The following ACSBG2 variants were observed in gnomAD, a reference collection of about 807,000 sequenced individuals.
ACSBG2 encodes acyl-CoA synthetase bubblegum family member 2.
In ACSBG2, 62 loss-of-function variants were observed where a neutral mutation model predicts 74.7. The ratio of observed to expected loss-of-function variants is 0.83; its 90% CI spans 0.68 to 1.03. The LOEUF (loss-of-function observed/expected upper bound fraction) is 1.03, where lower values mean the gene tolerates loss of function less well. Among genes scored for constraint, ACSBG2 ranks in the 50% least tolerant of loss-of-function variants. The pLI, the probability that ACSBG2 is intolerant of heterozygous loss-of-function variation, is 0.00. For synonymous variants in ACSBG2, 309 were observed against 294.1 expected, an observed-to-expected ratio of 1.05 and a Z score of -0.52; for missense variants, 730 against 817.6, an observed-to-expected ratio of 0.89 and a Z score of 1.31.
At chr19:6,173,677 A>T (rs1262432113) in intron 7 of ACSBG2, among the ~76,000 whole-genome samples, 2 of 151,980 alleles carry the variant, frequency 1.3e-5, no homozygotes, top group African/African-American at 4.8e-5. Flanking sequence ...TCAGTTCAAA[A>T]CTTATCCATT....
intron 6 of ACSBG2, among the ~76,000 whole-genome samples, chr19:6,162,954 T>C (rs1173602534): frequency 6.6e-6 from 1 of 151,816 alleles, no homozygotes; most frequent in Non-Finnish European, 1.5e-5. Flanking sequence ...GAAGGGCATC[T>C]ACTCCTCTGC....
intron 3 of ACSBG2, among the ~76,000 whole-genome samples, chr19:6,151,392 C>T (rs1255654286): frequency 1.3e-5 from 2 of 152,072 alleles, no homozygotes; most frequent in African/African-American, 4.8e-5. Flanking sequence ...ACTGCAGCCT[C>T]GAACTCTAGG....
chr19:6,150,740 GA>G (rs1382335192), intron 3 of ACSBG2, among the ~76,000 whole-genome samples: 2 of 152,176 alleles, frequency 1.3e-5, no homozygotes, highest in Non-Finnish European at 2.9e-5. Flanking sequence ...AGTTTAGAAA[GA>G]GGAGAAAGTT....
intron 1 of ACSBG2, among the ~76,000 whole-genome samples, chr19:6,136,204 G>T (rs1477226532): frequency 2.0e-5 from 3 of 150,034 alleles, no homozygotes; most frequent in Non-Finnish European, 4.4e-5. Flanking sequence ...CCATTCTCCT[G>T]CCTCAGCCTC....
chr19:6,171,259 C>T (rs2089955564), intron 7 of ACSBG2, among the ~76,000 whole-genome samples: 1 of 151,964 alleles, frequency 6.6e-6, no homozygotes, highest in South Asian at 2.1e-4. Context: ...GGTTTTGTTC[C>T]TGTCATGTGT....
intron 7 of ACSBG2, among the ~76,000 whole-genome samples, chr19:6,167,207 C>T (rs912341077): frequency 6.6e-6 from 1 of 152,216 alleles, no homozygotes; most frequent in East Asian, 1.9e-4. Flanking sequence ...TACCAGCACA[C>T]ACTGGTGTCT....
chr19:6,137,401 G>A (rs2088622258), intron 1 of ACSBG2: 1 of 152,536 alleles, frequency 6.6e-6, no homozygotes, highest in African/African-American at 2.4e-5. Flanking sequence ...AGGCCCCAAG[G>A]AAGGACTGCA....
At chr19:6,187,153 C>T in intron 11 of ACSBG2, 130 bp from the exon 12 acceptor site, 2 of 1,268,964 alleles carry the variant, frequency 1.6e-6, no homozygotes, top group Non-Finnish European at 2.2e-6. Flanking sequence ...TACAGGTGCA[C>T]ACCACCAAAC....
At chr19:6,138,101 T>C (rs986137975) in intron 1 of ACSBG2, among the ~76,000 whole-genome samples, 1 of 152,134 alleles carries the variant, frequency 6.6e-6, no homozygotes, top group East Asian at 1.9e-4. Flanking sequence ...TCCTCGTGGG[T>C]AGTTTTAAAG....
At chr19:6,142,523 C>T (rs549016772) in intron 2 of ACSBG2, among the ~76,000 whole-genome samples, 55 of 152,044 alleles carry the variant, frequency 3.6e-4, no homozygotes, top group African/African-American at 1.2e-3. Context: ...GAGGCCGAGA[C>T]AGGCGGATCA....
chr19:6,176,853 A>G (rs1384832705), intron 7 of ACSBG2, among the ~76,000 whole-genome samples: 1 of 152,132 alleles, frequency 6.6e-6, no homozygotes, highest in Non-Finnish European at 1.5e-5. Context: ...ATTTAGCTAA[A>G]TACATTTAAA....
Position 6,161,625 on chromosome 19 carries a change from G to T in ACSBG2, c.588+330G>T, listed in dbSNP as rs972124485. 2.2e-5 allele frequency: 5 copies of T among 227,760 alleles called. No homozygotes were observed. In the East Asian group the frequency reaches 3.2e-4, roughly 15 times the overall value. The allele number at this position is 227,760 out of a possible 1,614,324, so 14.1% of individuals were successfully genotyped here. A position where few individuals can be genotyped will look rare whatever the true frequency, so the allele number is the denominator to read the frequency against. Reference sequence around the variant, plus strand: ...GAATGGGGCCTCACAAATGTGGTAGGTGGGGGTTTGCAAAGGGATGTGGGT... The same window carrying T: ...GAATGGGGCCTCACAAATGTGGTAGTTGGGGGTTTGCAAAGGGATGTGGGT... On this transcript the variant is annotated intron_variant, in intron 6 of 14. Coordinates refer to ENST00000588485, the MANE Select transcript of ACSBG2 (RefSeq NM_030924.5).
intron 11 of ACSBG2, 68 bp downstream of exon 11, chr19:6,185,721 G>C (rs924789475): frequency 3.3e-5 from 51 of 1,560,876 alleles, no homozygotes; most frequent in Non-Finnish European, 4.5e-5. Context: ...AAGGGCCCAG[G>C]GTACCAGCAC....
intron 1 of ACSBG2, among the ~76,000 whole-genome samples, chr19:6,139,114 G>A (rs1453053534): frequency 6.8e-6 from 1 of 147,602 alleles, no homozygotes; most frequent in Non-Finnish European, 1.5e-5. Context: ...TTGAGATACA[G>A]TTTTGCTCTG....
intron 4 of ACSBG2, among the ~76,000 whole-genome samples, chr19:6,152,920 A>G (rs2089287092): frequency 6.6e-6 from 1 of 152,154 alleles, no homozygotes; most frequent in African/African-American, 2.4e-5. Context: ...CAAAATCTTT[A>G]TACACTGTAT....
chr19:6,188,960 T>C (rs2090479998), intron 13 of ACSBG2, among the ~76,000 whole-genome samples: 1 of 152,244 alleles, frequency 6.6e-6, no homozygotes, highest in Admixed American at 6.5e-5. Context: ...CTTAATATGT[T>C]ATCTGTAGAG....
chr19:6,154,776 T>A (rs1263020189), intron 4 of ACSBG2, among the ~76,000 whole-genome samples: 2 of 152,098 alleles, frequency 1.3e-5, no homozygotes, highest in African/African-American at 4.8e-5. Flanking sequence ...CCTCCCAAAG[T>A]GCTGGGATTA....
Position 6,174,705 on chromosome 19 carries a change from C to T in ACSBG2, c.739-2524C>T, listed in dbSNP as rs2090047994. On this transcript the variant is annotated intron_variant, in intron 7 of 14. Transcript: ENST00000588485. This position sits in a 1 kb window ranked among gnomAD's most constrained non-coding sequence, Gnocchi z 4.2. ...GCACATGCCTGTAGTCCCAGCTACTCGGGAGGCTGAAGTGAGACGATCCCT... is the reference window on the plus strand; with the variant it reads ...GCACATGCCTGTAGTCCCAGCTACTTGGGAGGCTGAAGTGAGACGATCCCT... Among the ~76,000 whole-genome samples, 2 of 152,098 alleles carry T rather than the reference C, an allele frequency of 1.3e-5. No homozygotes were observed. Among genetic ancestry groups the T allele is most frequent in the African/African-American group, 4.8e-5 (2 of 41,412 alleles).
chr19:6,141,759 G>C (rs570591712), intron 2 of ACSBG2, 149 bp downstream of exon 2: 1 of 616,606 alleles, frequency 1.6e-6, no homozygotes, highest in East Asian at 2.9e-5. Context: ...TTTGAGACAG[G>C]GTCTTGCTCT....
Sources: allele counts gnomAD v4.1 joint callset (sites outside exome capture counted in the v4.1 genomes callset), GRCh38; gene constraint gnomAD v4.1.1; non-coding constraint Gnocchi (gnomAD v3.1); transcripts MANE v1.5; gene names NCBI Gene and HGNC (gene_info 2026-07-23, HGNC 2026-07-21).